The following EPB41L3 variants were observed in gnomAD, a reference collection of about 807,000 sequenced individuals.
The protein encoded by EPB41L3 is band 4.1-like protein 3.
EPB41L3 carries 57 observed loss-of-function variants against 127.1 expected under a neutral mutation model. That is an observed-to-expected ratio of 0.45 (90% CI 0.36 to 0.56). The LOEUF is 0.56. EPB41L3 is among the 20% of genes least tolerant of loss of function. The pLI is 0.00. For synonymous variants in EPB41L3, 572 were observed against 549.5 expected (o/e 1.04, Z -0.57); for missense variants, 1,273 against 1,372.2 (o/e 0.93, Z 1.14).
chr18:5,567,424 T>A (rs1443404391), intron 3 of EPB41L3: 3 of 152,218 alleles, frequency 2.0e-5, no homozygotes, highest in African/African-American at 7.2e-5. Flanking sequence ...CTCCTTTCAA[T>A]CAAATTGAAG....
chr18:5,576,748 T>A (rs75232781), intron 3 of EPB41L3, among the ~76,000 whole-genome samples: 1 of 152,314 alleles, frequency 6.6e-6, no homozygotes, highest in Non-Finnish European at 1.5e-5. Flanking sequence ...GCGTGGCCAG[T>A]TGTTTTTACA....
chr18:5,566,723 C>CATACT (rs1421571560), intron 3 of EPB41L3, among the ~76,000 whole-genome samples: 47 of 112,416 alleles, frequency 4.2e-4, no homozygotes, highest in Non-Finnish European at 7.4e-4. Flanking sequence ...TTTTCTATTC[C>CATACT]ATTCTATTCT....
At chr18:5,428,673 C>A (rs2145560535) in intron 8 of EPB41L3, among the ~76,000 whole-genome samples, 1 of 152,304 alleles carries the variant, frequency 6.6e-6, no homozygotes, top group African/African-American at 2.4e-5. Flanking sequence ...AGAATAAAAT[C>A]TGCTCTCCCA....
At chr18:5,494,813 G>T (rs764038947) in intron 1 of EPB41L3, among the ~76,000 whole-genome samples, 1 of 152,180 alleles carries the variant, frequency 6.6e-6, no homozygotes, top group African/African-American at 2.4e-5. Context: ...GGAAGGAAGG[G>T]GTGCGTGAGA....
chr18:5,566,315 C>A lies in EPB41L3; in HGVS notation c.-306+46025G>T, dbSNP rs1229093756. Among the ~76,000 whole-genome samples, 3 of 152,134 alleles carry A rather than the reference C, an allele frequency of 2.0e-5. 1 individual carries two copies. Among genetic ancestry groups the A allele is most frequent in the Non-Finnish European group, 4.4e-5 (3 of 68,028 alleles). Reference sequence around the variant, plus strand: ...CAAAAATCACAAGCATTCTTATACACCAATAACAAACAGAGAGCCAAATCA... The same window carrying A: ...CAAAAATCACAAGCATTCTTATACAACAATAACAAACAGAGAGCCAAATCA... On this transcript the variant is annotated intron_variant, in intron 3 of 21. Transcript: ENST00000545076.
chr18:5,622,951 ATTTTTTTTTT>A (rs10622515), intron 1 of EPB41L3, among the ~76,000 whole-genome samples: 6 of 76,054 alleles, frequency 7.9e-5, no homozygotes, highest in African/African-American at 3.3e-4. Context: ...CATAATGCTG[ATTTTTTTTTT>A]TTTTTTTTTT....
At chr18:5,617,316 TA>T (rs1382088668) in intron 1 of EPB41L3, among the ~76,000 whole-genome samples, 185 of 127,602 alleles carry the variant, frequency 1.4e-3, no homozygotes, top group Admixed American at 2.9e-3. Context: ...ATTCTATTAT[TA>T]TTATTTTTTT....
At chr18:5,503,047 CT>C (rs2091876037) in intron 1 of EPB41L3, among the ~76,000 whole-genome samples, 1 of 152,130 alleles carries the variant, frequency 6.6e-6, no homozygotes, top group African/African-American at 2.4e-5. Context: ...GGTTGACTCA[CT>C]TTTTTAGATT....
chr18:5,622,566 G>A (rs1037010270), intron 1 of EPB41L3, among the ~76,000 whole-genome samples: 1 of 151,914 alleles, frequency 6.6e-6, no homozygotes, highest in African/African-American at 2.4e-5. Flanking sequence ...TGCTCTTTAG[G>A]GTTTGCAGGC....
At chr18:5,434,867 G>C (rs2079531540) in intron 6 of EPB41L3, among the ~76,000 whole-genome samples, 1 of 152,210 alleles carries the variant, frequency 6.6e-6, no homozygotes, top group South Asian at 2.1e-4. Context: ...GCCTCTGGCA[G>C]GTGCTTCAGA....
In EPB41L3 at chr18:5,398,013, A is replaced by G; in HGVS notation, c.2472+8T>C. 1.2e-6 allele frequency: 2 copies of G among 1,614,022 alleles called. No individual in the cohort carries two copies. The highest frequency in any genetic ancestry group is 8.5e-7 in the Non-Finnish European group (1 of 1,179,942). Reference sequence around the variant, plus strand: ...TCAGAAACACCAAGGACGAAAACAAATGGCCACCTGAACCCAGCTTTGAGA... The same window carrying G: ...TCAGAAACACCAAGGACGAAAACAAGTGGCCACCTGAACCCAGCTTTGAGA... On this transcript the variant is annotated splice_region_variant and intron_variant, in intron 17 of 22. Coordinates refer to ENST00000341928, the MANE Select transcript of EPB41L3 (RefSeq NM_012307.5).
At chr18:5,489,713 A>T (rs1312613830) in intron 1 of EPB41L3, among the ~76,000 whole-genome samples, 1 of 152,156 alleles carries the variant, frequency 6.6e-6, no homozygotes, top group Non-Finnish European at 1.5e-5. Flanking sequence ...TAATCCAGTT[A>T]TCCCTCTTTG....
At chr18:5,594,267 C>T (rs551305815) in intron 3 of EPB41L3, among the ~76,000 whole-genome samples, 100 of 152,248 alleles carry the variant, frequency 6.6e-4, no homozygotes, top group African/African-American at 1.5e-3. Context: ...TGGCTTCAGC[C>T]GGTCCCTCCA....
intron 3 of EPB41L3, among the ~76,000 whole-genome samples, chr18:5,470,313 T>C (rs184798379): frequency 2.1e-4 from 32 of 152,340 alleles, no homozygotes; most frequent in African/African-American, 7.7e-4. Flanking sequence ...TTTGGCTCAT[T>C]TGGTCTTCAG....
intron 1 of EPB41L3, among the ~76,000 whole-genome samples, chr18:5,519,571 T>C (rs2092902652): frequency 6.6e-6 from 1 of 152,186 alleles, no homozygotes; most frequent in African/African-American, 2.4e-5. Context: ...TGCAAATCCA[T>C]TGGCTGTGTA....
At chr18:5,453,654 T>C (rs887596943) in intron 3 of EPB41L3, among the ~76,000 whole-genome samples, 4 of 152,138 alleles carry the variant, frequency 2.6e-5, no homozygotes, top group Admixed American at 6.5e-5. Flanking sequence ...CCATCACCTA[T>C]CTTCCTCAAA....
chr18:5,518,876 G>T (rs904487976), intron 1 of EPB41L3, among the ~76,000 whole-genome samples: 1 of 152,110 alleles, frequency 6.6e-6, no homozygotes, highest in African/African-American at 2.4e-5. Flanking sequence ...AAAGGAGTAC[G>T]CAAATTAAAA....
At chr18:5,535,187 C>CG (rs2148977157) in intron 1 of EPB41L3, among the ~76,000 whole-genome samples, 1 of 152,162 alleles carries the variant, frequency 6.6e-6, no homozygotes, top group South Asian at 2.1e-4. Context: ...AACCATCCCC[C>CG]ACAACCCCCG....
chr18:5,446,276 A>G (rs1319770591), intron 3 of EPB41L3, among the ~76,000 whole-genome samples: 1 of 152,234 alleles, frequency 6.6e-6, no homozygotes, highest in Non-Finnish European at 1.5e-5. Context: ...TCATATATAA[A>G]TACAAAATAG....
Sources: allele counts gnomAD v4.1 joint callset (sites outside exome capture counted in the v4.1 genomes callset), GRCh38; gene constraint gnomAD v4.1.1; transcripts MANE v1.5; gene names NCBI Gene and HGNC (gene_info 2026-07-23, HGNC 2026-07-21).